The following DOCK5 variants were observed in gnomAD, a reference collection of about 807,000 sequenced individuals.
DOCK5 encodes the protein dedicator of cytokinesis 5, also known as dedicator of cytokinesis protein 5.
A neutral mutation model predicts 251.8 loss-of-function variants in DOCK5; 142 were observed. The ratio of observed to expected loss-of-function variants is 0.56; its 90% confidence interval spans 0.49 to 0.65. The LOEUF is 0.65. DOCK5 is among the 30% of genes least tolerant of loss of function. DOCK5 has a pLI of 0.00. For missense variants in DOCK5, 2,111 were observed against 2,312.3 expected, an observed-to-expected ratio of 0.91 and a Z score of 1.79; for synonymous variants, 842 against 835.5, an observed-to-expected ratio of 1.01 and a Z score of -0.13.
At chr8:25,344,146 A>G (rs1178340710) in intron 25 of DOCK5, among the ~76,000 whole-genome samples, 4 of 152,130 alleles carry the variant, frequency 2.6e-5, no homozygotes, top group Non-Finnish European at 5.9e-5. Context: ...CAGAAGCCAG[A>G]TTACTAGTAT....
At chr8:25,312,566 C>CTCCT (rs1805129483) in intron 13 of DOCK5, among the ~76,000 whole-genome samples, 3 of 152,008 alleles carry the variant, frequency 2.0e-5, no homozygotes, top group Admixed American at 1.3e-4. Flanking sequence ...AGTTCAAGAC[C>CTCCT]AGCCTGGCCA....
At chr8:25,407,487 CTT>C (rs755779139) in intron 48 of DOCK5, among the ~76,000 whole-genome samples, 1 of 152,142 alleles carries the variant, frequency 6.6e-6, no homozygotes, top group Non-Finnish European at 1.5e-5. Flanking sequence ...GTCTGATGGT[CTT>C]GTTTCTGTAC....
At chr8:25,363,294 G>A (rs1031373097) in intron 29 of DOCK5, among the ~76,000 whole-genome samples, 153 bp downstream of exon 29, 3 of 152,176 alleles carry the variant, frequency 2.0e-5, no homozygotes, top group African/African-American at 4.8e-5. Flanking sequence ...TTATGTGCTC[G>A]TGATCTTGAT....
rs556887468 is a variant in DOCK5 at position 25,221,790 on chromosome 8, T to C, written c.44-21884T>C. 4.6e-5 allele frequency among the ~76,000 whole-genome samples: 7 copies of C among 152,304 alleles called. No individual in the cohort carries two copies. In the South Asian group the frequency reaches 1.5e-3, roughly 32 times the overall value. On this transcript the variant is annotated intron_variant, in intron 1 of 51. Transcript: ENST00000276440. ...ATAAAGTGTACAGTTATTCCTCAGATTGGCAGAGGAGAAAATGAAGGCTTA... is the reference window on the plus strand; with the variant it reads ...ATAAAGTGTACAGTTATTCCTCAGACTGGCAGAGGAGAAAATGAAGGCTTA...
intron 3 of DOCK5, among the ~76,000 whole-genome samples, chr8:25,272,692 G>T (rs1206558359): frequency 6.6e-6 from 1 of 151,944 alleles, no homozygotes; most frequent in African/African-American, 2.4e-5. Flanking sequence ...TTTTTTTATT[G>T]TGGTAAAAAT....
intron 10 of DOCK5, among the ~76,000 whole-genome samples, chr8:25,302,941 C>T (rs528692446): frequency 6.6e-5 from 10 of 152,130 alleles, no homozygotes; most frequent in Admixed American, 2.6e-4. Flanking sequence ...TTAATGGGTA[C>T]GGAGTTTCCA....
intron 9 of DOCK5, 51 bp from the exon 10 acceptor site, chr8:25,302,265 AGACACAGGT>A (rs1804785956): frequency 1.3e-6 from 2 of 1,519,642 alleles, no homozygotes; most frequent in Non-Finnish European, 1.8e-6. Flanking sequence ...AAGAAAAAAG[AGACACAGGT>A]GACACAGTGG....
At chr8:25,207,133 C>T (rs928790717) in intron 1 of DOCK5, among the ~76,000 whole-genome samples, 1 of 152,182 alleles carries the variant, frequency 6.6e-6, no homozygotes, top group African/African-American at 2.4e-5. Context: ...GACATACCTC[C>T]TTCTATATAG....
intron 7 of DOCK5, among the ~76,000 whole-genome samples, chr8:25,296,951 T>G (rs1804632074): frequency 6.6e-6 from 1 of 152,160 alleles, no homozygotes; most frequent in South Asian, 2.1e-4. Flanking sequence ...AGACTAACTC[T>G]GAAATAATAG....
In DOCK5 at chr8:25,363,076, C is replaced by T. The variant is rs749222539; in HGVS notation, c.2979C>T (p.Phe993=). 1.2e-6 allele frequency: 2 copies of T among 1,613,998 alleles called. No homozygotes were observed. The highest frequency in any genetic ancestry group is 1.6e-4 in the Middle Eastern group (1 of 6,062). ...TCCTCATGGAAACTTTTATCATGTTCAAGGACCTGATTGGAAAGAATGTCT... is the reference window on the plus strand; with the variant it reads ...TCCTCATGGAAACTTTTATCATGTTTAAGGACCTGATTGGAAAGAATGTCT... ...IDFLMETFIM[F]KDLIGKNVYA... is the part of the protein sequence containing the mutation. The change falls in exon 29 of 52, where the codon TTC becomes TTT. Residue 993 remains phenylalanine (F), a synonymous_variant. Coordinates refer to ENST00000276440, the MANE Select transcript of DOCK5 (RefSeq NM_024940.8).
chr8:25,273,679 G>T (rs1365052450), intron 3 of DOCK5, among the ~76,000 whole-genome samples: 1 of 152,206 alleles, frequency 6.6e-6, no homozygotes, highest in Non-Finnish European at 1.5e-5. Context: ...CACTTCGATG[G>T]TGTGCCTATG....
chr8:25,393,898 T>C (rs951624787), intron 44 of DOCK5, among the ~76,000 whole-genome samples: 4 of 152,200 alleles, frequency 2.6e-5, no homozygotes, highest in South Asian at 2.1e-4. Context: ...GTTCAAGAAA[T>C]GTTTCTTGAC....
intron 51 of DOCK5, among the ~76,000 whole-genome samples, chr8:25,410,558 C>G (rs1801603934): frequency 6.6e-6 from 1 of 152,008 alleles, no homozygotes. Flanking sequence ...AACTCCTGGG[C>G]TCAAGTGATT....
chr8:25,373,550 T>G, intron 35 of DOCK5, 68 bp from the exon 36 acceptor site: 1 of 1,421,036 alleles, frequency 7.0e-7, no homozygotes. Flanking sequence ...CAATAGTGGT[T>G]TGTCTATTTT....
intron 1 of DOCK5, among the ~76,000 whole-genome samples, chr8:25,241,575 A>T (rs948160043): frequency 1.3e-5 from 2 of 152,204 alleles, no homozygotes; most frequent in African/African-American, 4.8e-5. Flanking sequence ...TAGTTCAATC[A>T]TTGTGGAAAA....
rs1174213847 is a variant in DOCK5 at position 25,412,634 on chromosome 8, A to C, written c.*1336A>C. Reference sequence around the variant, plus strand: ...TATGCTACTTAGATATTTGTGGCAAAGCAGAAAGCTTTTTGACTGTGAAGG... The same window carrying C: ...TATGCTACTTAGATATTTGTGGCAACGCAGAAAGCTTTTTGACTGTGAAGG... On this transcript the variant is annotated 3_prime_UTR_variant, in exon 52 of 52. Transcript: ENST00000276440. 2 of 152,278 alleles carry C rather than the reference A, an allele frequency of 1.3e-5. No individual in the cohort carries two copies. Among genetic ancestry groups the C allele is most frequent in the African/African-American group, 2.4e-5 (1 of 41,472 alleles). The allele number at this position is 152,278 out of a possible 1,614,324, so 9.4% of individuals were successfully genotyped here.
chr8:25,363,238 C>A, intron 29 of DOCK5, 97 bp downstream of exon 29: 1 of 992,050 alleles, frequency 1.0e-6, no homozygotes, highest in Non-Finnish European at 1.6e-6. Context: ...TTGCCTCAAA[C>A]CCATCATCTG....
intron 28 of DOCK5, among the ~76,000 whole-genome samples, chr8:25,362,716 G>T (rs1800708599): frequency 6.6e-6 from 1 of 151,990 alleles, no homozygotes; most frequent in South Asian, 2.1e-4. Context: ...GAGATTACAG[G>T]TGTAAGCCAC....
chr8:25,403,808 G>A, intron 48 of DOCK5, 84 bp downstream of exon 48: 1 of 1,430,010 alleles, frequency 7.0e-7, no homozygotes, highest in South Asian at 1.3e-5. Flanking sequence ...ACTCCTTTGA[G>A]AAAAATAGCC....
Sources: gnomAD v4.1 joint callset for allele counts (sites outside exome capture counted in the v4.1 genomes callset) on GRCh38, gnomAD v4.1.1 for gene constraint, MANE v1.5 for transcripts, NCBI Gene and HGNC (gene_info 2026-07-23, HGNC 2026-07-21) for gene names.